The following FAM210A variants were observed in gnomAD, a reference collection of about 807,000 sequenced individuals.
The protein encoded by FAM210A is family with sequence similarity 210 member A.
A neutral mutation model predicts 25.3 loss-of-function variants in FAM210A; 13 were observed. The observed-to-expected ratio is 0.51, with a 90% CI of 0.33 to 0.82. The LOEUF (loss-of-function observed/expected upper bound fraction) is 0.82, where lower values mean the gene tolerates loss of function less well. Ranked by LOEUF, FAM210A falls within the 40% of genes least tolerant of loss-of-function variation. FAM210A has a pLI of 0.02. For synonymous variants in FAM210A, 125 were observed against 118.7 expected, an observed-to-expected ratio of 1.05 and a Z score of -0.35; for missense variants, 319 against 323.2, an observed-to-expected ratio of 0.99 and a Z score of 0.10.
chr18:13,725,284 C>A (rs1568492199), intron 1 of FAM210A, among the ~76,000 whole-genome samples: 3 of 152,082 alleles, frequency 2.0e-5, no homozygotes, highest in African/African-American at 7.2e-5. Flanking sequence ...TCTCAACTTA[C>A]CTCATTTCAT....
chr18:13,677,041 T>C (rs1455732663), intron 2 of FAM210A, among the ~76,000 whole-genome samples: 1 of 150,344 alleles, frequency 6.7e-6, no homozygotes, highest in African/African-American at 2.4e-5. Context: ...AAAACTGAGC[T>C]CCCTGAGTGA....
chr18:13,673,896 T>A (rs1402329587), intron 2 of FAM210A, among the ~76,000 whole-genome samples: 1 of 117,898 alleles, frequency 8.5e-6, no homozygotes. Flanking sequence ...ATTATTAACA[T>A]TCCTGAGCCC....
rs377647803 is a variant in FAM210A at position 13,717,915 on chromosome 18, C to T, written c.-29+8414G>A. Among the ~76,000 whole-genome samples the T allele has an allele frequency of 2.4e-4, 36 of 152,170 alleles. 1 individual carries two copies. The highest frequency in any genetic ancestry group is 1.0e-3 in the South Asian group (5 of 4,822). On this transcript the variant is annotated intron_variant, in intron 1 of 3. Coordinates refer to ENST00000651643, the MANE Select transcript of FAM210A (RefSeq NM_152352.4). ...AAGGTACCGTATGATGAACTGCCTA[C>T]GGACAGGGCCGCATACGGGGAACAG...
At chr18:13,671,544 C>T (rs2043442257) in intron 3 of FAM210A, among the ~76,000 whole-genome samples, 2 of 151,994 alleles carry the variant, frequency 1.3e-5, no homozygotes, top group South Asian at 4.1e-4. Flanking sequence ...ATTTTTACTT[C>T]CACTTTATTT....
intron 1 of FAM210A, among the ~76,000 whole-genome samples, chr18:13,684,993 A>C (rs2043584909): frequency 6.6e-6 from 1 of 152,258 alleles, no homozygotes; most frequent in South Asian, 2.1e-4. Flanking sequence ...AAATTTAAAA[A>C]TATTTTGAAG....
intron 1 of FAM210A, among the ~76,000 whole-genome samples, chr18:13,704,793 G>A (rs2149066450): frequency 6.6e-6 from 1 of 152,204 alleles, no homozygotes. Flanking sequence ...CTGTGTATAT[G>A]CTATCCATAA....
intron 1 of FAM210A, among the ~76,000 whole-genome samples, chr18:13,717,074 A>T (rs2043866833): frequency 6.6e-6 from 1 of 152,202 alleles, no homozygotes; most frequent in South Asian, 2.1e-4. Flanking sequence ...TGTTACTTGC[A>T]GCTGAAAGCA....
intron 1 of FAM210A, among the ~76,000 whole-genome samples, chr18:13,724,939 A>G (rs761467836): frequency 6.4e-4 from 98 of 151,998 alleles, no homozygotes; most frequent in Admixed American, 2.8e-3. Flanking sequence ...ACGCCTGGCT[A>G]ATTTTTGTAT....
At position 13,726,418 on chromosome 18, in the gene FAM210A, A is replaced by G; in HGVS notation, c.-118T>C. ...ATGCCACGGCGGTGTCACTCAGCAG[A>G]GCAGCCCGACAAAGCGTGGGTCCGC... On this transcript the variant is annotated 5_prime_UTR_variant, in exon 1 of 4. Transcript: ENST00000651643. 6.6e-6 allele frequency: 1 copy of G among 152,580 alleles called. No individual in the cohort carries two copies. The highest frequency in any genetic ancestry group is 1.9e-4 in the East Asian group (1 of 5,190). The allele number at this position is 152,580 out of a possible 1,614,324, so 9.5% of individuals were successfully genotyped here.
intron 1 of FAM210A, among the ~76,000 whole-genome samples, chr18:13,692,347 A>C (rs867382793): frequency 3.9e-5 from 6 of 152,280 alleles, no homozygotes; most frequent in African/African-American, 1.4e-4. Flanking sequence ...TCAATGAGAC[A>C]GAAAGTTAAC....
At chr18:13,697,195 A>G (rs1466224571) in intron 1 of FAM210A, among the ~76,000 whole-genome samples, 1 of 152,206 alleles carries the variant, frequency 6.6e-6, no homozygotes, top group Admixed American at 6.5e-5. Context: ...CATCTCTGTT[A>G]AGCAACGTGT....
chr18:13,685,890 C>A (rs1360764811), intron 1 of FAM210A, among the ~76,000 whole-genome samples: 6 of 152,052 alleles, frequency 3.9e-5, no homozygotes, highest in African/African-American at 1.4e-4. Context: ...GAAGTAAGAT[C>A]TAAACTCAAT....
intron 2 of FAM210A, among the ~76,000 whole-genome samples, chr18:13,681,212 G>C (rs1312764330): frequency 1.3e-5 from 2 of 152,162 alleles, no homozygotes; most frequent in African/African-American, 4.8e-5. Context: ...CTGCATATAG[G>C]AGAGTGTATG....
chr18:13,683,881 G>A (rs1479738945), intron 1 of FAM210A, among the ~76,000 whole-genome samples: 1 of 152,106 alleles, frequency 6.6e-6, no homozygotes, highest in Non-Finnish European at 1.5e-5. Context: ...TCTTTATCTG[G>A]TGTACAAAGT....
chr18:13,711,841 A>G (rs1364078285), intron 1 of FAM210A, among the ~76,000 whole-genome samples: 1 of 152,078 alleles, frequency 6.6e-6, no homozygotes, highest in Non-Finnish European at 1.5e-5. Flanking sequence ...CCTACATGGT[A>G]CTCAATGACT....
chr18:13,705,354 C>T (rs778953937), intron 1 of FAM210A, among the ~76,000 whole-genome samples: 1 of 152,206 alleles, frequency 6.6e-6, no homozygotes, highest in African/African-American at 2.4e-5. Flanking sequence ...GCCACCTTGT[C>T]CTTCCTGAGT....
intron 1 of FAM210A, among the ~76,000 whole-genome samples, chr18:13,718,810 T>C (rs2043879244): frequency 6.6e-6 from 1 of 152,194 alleles, no homozygotes; most frequent in Admixed American, 6.5e-5. Flanking sequence ...TTACACCAAG[T>C]AAATCGCAAT....
intron 1 of FAM210A, 60 bp downstream of exon 1, chr18:13,726,269 G>A (rs2043947848): frequency 6.6e-6 from 1 of 152,642 alleles, no homozygotes; most frequent in Non-Finnish European, 1.5e-5. Context: ...CACACGCCCA[G>A]GGTTGAAGGT....
At chr18:13,714,234 A>G (rs2043843757) in intron 1 of FAM210A, among the ~76,000 whole-genome samples, 1 of 152,234 alleles carries the variant, frequency 6.6e-6, no homozygotes, top group African/African-American at 2.4e-5. Context: ...CATGTCAGAC[A>G]TGAGTTACAA....
Sources: gnomAD v4.1 joint callset for allele counts (sites outside exome capture counted in the v4.1 genomes callset) on GRCh38, gnomAD v4.1.1 for gene constraint, MANE v1.5 for transcripts, NCBI Gene and HGNC (gene_info 2026-07-23, HGNC 2026-07-21) for gene names.